The following TDRD12 variants were observed in gnomAD, a reference collection of about 807,000 sequenced individuals.
The protein encoded by TDRD12 is putative ATP-dependent RNA helicase TDRD12.
Under a neutral mutation model 133.5 loss-of-function variants are expected in TDRD12, and 158 were observed. The observed-to-expected ratio is 1.18, with a 90% CI of 1.04 to 1.35. The LOEUF (loss-of-function observed/expected upper bound fraction) is 1.35, where lower values mean the gene tolerates loss of function less well. Among genes scored for constraint, TDRD12 ranks in the 40% most tolerant of loss-of-function variants. The probability of loss-of-function intolerance (pLI) is 0.00; values close to 1 mark genes in which losing one functional copy is unlikely to be tolerated. For missense variants in TDRD12, 1,443 were observed against 1,321.3 expected (o/e 1.09, Z -1.43); for synonymous variants, 460 against 477.9 (o/e 0.96, Z 0.49).
At chr19:32,749,813 G>T in exon 6 of TDRD12, 1 of 1,550,648 alleles carries the variant, frequency 6.4e-7, no homozygotes, top group Non-Finnish European at 8.7e-7. Context: ...CAGATTATGT[G>T]CTGTGGAAGA....
intron 4 of TDRD12, among the ~76,000 whole-genome samples, chr19:32,746,049 A>T (rs965894612): frequency 2.0e-5 from 3 of 148,154 alleles, no homozygotes; most frequent in Non-Finnish European, 3.0e-5. Flanking sequence ...TGTGTGTGTG[A>T]GAGAGAGAGT....
intron 1 of TDRD12, among the ~76,000 whole-genome samples, chr19:32,726,212 C>T (rs966880163): frequency 6.6e-6 from 1 of 151,976 alleles, no homozygotes; most frequent in African/African-American, 2.4e-5. Context: ...TCCCAAGTAG[C>T]TGGGACTACA....
intron 8 of TDRD12, among the ~76,000 whole-genome samples, chr19:32,760,018 G>C (rs1273151277): frequency 2.6e-5 from 4 of 152,212 alleles, no homozygotes; most frequent in African/African-American, 9.6e-5. Flanking sequence ...TACAGCAGAA[G>C]GTAGCACCTG....
At chr19:32,799,774 G>A (rs1377904283) in intron 16 of TDRD12, among the ~76,000 whole-genome samples, 7 of 116,172 alleles carry the variant, frequency 6.0e-5, no homozygotes, top group Non-Finnish European at 9.7e-5. Context: ...CACCCTCGTC[G>A]CCCAGGCTGG....
exon 10 of TDRD12, chr19:32,828,262 C>A (rs1430611671): frequency 6.6e-6 from 1 of 152,154 alleles, no homozygotes; most frequent in African/African-American, 2.4e-5. Context: ...GAGCAAATGG[C>A]ACAAAGGTTG....
intron 13 of TDRD12, among the ~76,000 whole-genome samples, chr19:32,791,498 TA>T (rs966466836): frequency 1.9e-4 from 29 of 152,064 alleles, no homozygotes; most frequent in South Asian, 8.3e-4. Context: ...TAAAAAAAGT[TA>T]AAAAAAAATT....
At chr19:32,744,147 C>T (rs1392171120) in intron 4 of TDRD12, among the ~76,000 whole-genome samples, 1 of 151,850 alleles carries the variant, frequency 6.6e-6, no homozygotes, top group Non-Finnish European at 1.5e-5. Context: ...TTAATCATTC[C>T]CCTCTGTGTA....
chr19:32,737,363 C>A (rs1306657210), intron 2 of TDRD12, among the ~76,000 whole-genome samples: 4 of 152,056 alleles, frequency 2.6e-5, no homozygotes, highest in Non-Finnish European at 4.4e-5. Context: ...TGCCACCATC[C>A]CTGGCTGATT....
chr19:32,818,935 GACTAGT>G (rs1967282745), intron 27 of TDRD12, among the ~76,000 whole-genome samples: 1 of 152,116 alleles, frequency 6.6e-6, no homozygotes, highest in Non-Finnish European at 1.5e-5. Context: ...TGGCCTGCTG[GACTAGT>G]GACTTGCTGG....
rs535298909 is a variant in TDRD12, at chr19:32,722,469, G to A, written c.24+2373G>A. 5.3e-5 allele frequency among the ~76,000 whole-genome samples: 8 copies of A among 152,084 alleles called. No individual in the cohort carries two copies. In the East Asian group the frequency reaches 1.5e-3, roughly 29 times the overall value. ...GAGTGTCTCCCCAAGTGCTGTGTAG[G>A]TACCACCTGTCCTGCAGATGAAGTT... On this transcript the variant is annotated intron_variant, in intron 1 of 27. Coordinates refer to ENST00000444215, the Ensembl canonical transcript of TDRD12.
chr19:32,764,084 T>G (rs906830119), intron 8 of TDRD12, among the ~76,000 whole-genome samples: 3 of 151,972 alleles, frequency 2.0e-5, no homozygotes, highest in Admixed American at 6.6e-5. Context: ...GCTTTTCTTT[T>G]TTTACTTGTA....
At chr19:32,739,105 A>C (rs1969313829) in intron 3 of TDRD12, 113 bp downstream of exon 3, 4 of 1,287,830 alleles carry the variant, frequency 3.1e-6, no homozygotes, top group Non-Finnish European at 3.2e-6. Flanking sequence ...AGAAAAGACA[A>C]AACTGGAGTT....
At chr19:32,797,639 T>C (rs1971268270) in intron 14 of TDRD12, 96 bp from the exon 15 acceptor site, 1 of 548,628 alleles carries the variant, frequency 1.8e-6, no homozygotes, top group Admixed American at 3.2e-5. Context: ...ACTTACGGGG[T>C]GCTGCTTCTG....
chr19:32,804,674 A>C (rs745562346), intron 21 of TDRD12, among the ~76,000 whole-genome samples: 2 of 146,234 alleles, frequency 1.4e-5, no homozygotes, highest in Non-Finnish European at 3.0e-5. Flanking sequence ...GCCTGGAGAC[A>C]CAGCAAGATT....
At position 32,788,154 on chromosome 19, in the gene TDRD12, G is replaced by A. The variant is rs112409746; in HGVS notation, c.1122-2377G>A. Among the ~76,000 whole-genome samples, 29 of 149,304 alleles carry A rather than the reference G, an allele frequency of 1.9e-4. 1 individual carries two copies. The highest frequency in any genetic ancestry group is 6.7e-4 in the African/African-American group (27 of 40,452). On this transcript the variant is annotated intron_variant, in intron 11 of 27. Transcript: ENST00000444215. ...TTTTGTTTTTTTGAAATGGAGTCTCGCTCTTTTGCCCAGGCTGGAGTGCAG... is the reference window on the plus strand; with the variant it reads ...TTTTGTTTTTTTGAAATGGAGTCTCACTCTTTTGCCCAGGCTGGAGTGCAG...
intron 8 of TDRD12, among the ~76,000 whole-genome samples, chr19:32,766,317 G>A (rs867634221): frequency 1.3e-5 from 2 of 152,110 alleles, no homozygotes; most frequent in Admixed American, 6.6e-5. Context: ...TGTGAAATAA[G>A]CACATCATGG....
intron 8 of TDRD12, among the ~76,000 whole-genome samples, chr19:32,764,359 C>T (rs1970236697): frequency 6.6e-6 from 1 of 152,110 alleles, no homozygotes; most frequent in Admixed American, 6.5e-5. Flanking sequence ...ATCTGCCCAC[C>T]TCAGCCTCCT....
Position 32,811,527 on chromosome 19 carries a change from G to C in TDRD12, c.3048+107G>C, listed in dbSNP as rs574141407. 1.5e-5 allele frequency: 16 copies of C among 1,093,558 alleles called. No individual in the cohort carries two copies. In the African/African-American group the frequency reaches 2.5e-4, roughly 17 times the overall value. 67.7% of individuals were successfully genotyped at this position (1,093,558 alleles called of 1,614,324 possible). A position where few individuals can be genotyped will look rare whatever the true frequency, so the allele number is the denominator to read the frequency against. Reference sequence around the variant, plus strand: ...GGATTTACAGTGTCACGTTTGGGCAGGGAAAGTGCAGTCTGCTTAGATCCC... The same window carrying C: ...GGATTTACAGTGTCACGTTTGGGCACGGAAAGTGCAGTCTGCTTAGATCCC... On this transcript the variant is annotated intron_variant, in intron 24 of 27. Coordinates refer to ENST00000444215, the Ensembl canonical transcript of TDRD12.
exon 1 of TDRD12, chr19:32,719,916 T>G: frequency 1.2e-6 from 1 of 863,982 alleles, no homozygotes; most frequent in Non-Finnish European, 1.8e-6. Context: ...GGACGAGGAG[T>G]GTGGGGCACC....
Sources: gnomAD v4.1 joint callset for allele counts (sites outside exome capture counted in the v4.1 genomes callset) on GRCh38, gnomAD v4.1.1 for gene constraint, MANE v1.5 for transcripts, NCBI Gene and HGNC (gene_info 2026-07-23, HGNC 2026-07-21) for gene names.